Variants in SERPINB12 observed in about 807,000 individuals in gnomAD.
SERPINB12 encodes serpin family B member 12.
Under a neutral mutation model 41.1 loss-of-function variants are expected in SERPINB12, and 57 were observed. The observed-to-expected ratio is 1.39, with a 90% confidence interval of 1.12 to 1.73. SERPINB12 has a LOEUF of 1.73. Ranked by LOEUF, SERPINB12 falls within the 40% of genes most tolerant of loss-of-function variation. The pLI is 0.00. For missense variants in SERPINB12, 536 were observed against 501.9 expected (o/e 1.07, Z -0.65); for synonymous variants, 180 against 181.3 (o/e 0.99, Z 0.06).
At chr18:63,557,227 T>C (rs1053133591) in intron 2 of SERPINB12, among the ~76,000 whole-genome samples, 4 of 152,150 alleles carry the variant, frequency 2.6e-5, no homozygotes, top group African/African-American at 9.7e-5. Flanking sequence ...GCCTGATGGC[T>C]CTTTCCCCTG....
At chr18:63,537,717 T>C (rs1455564), upstream of SERPINB12, among the ~76,000 whole-genome samples, 87,934 of 152,038 alleles carry the variant, frequency 0.58, 27,637 homozygotes, top group Middle Eastern at 0.72. Context: ...TCTTACCATA[T>C]GGAATCCCTC....
chr18:63,565,708 C>A (rs903516684), intron 7 of SERPINB12, 96 bp downstream of exon 7: 1 of 981,968 alleles, frequency 1.0e-6, no homozygotes, highest in Non-Finnish European at 1.5e-6. Context: ...AAATTCAGTA[C>A]CTCAGCTGTC....
chr18:63,534,403 CTTA>C, the SERPINB12 span, among the ~76,000 whole-genome samples: 46 of 152,206 alleles, frequency 3.0e-4, 2 homozygotes, highest in South Asian at 9.3e-3. Context: ...TCCTTGCTGC[CTTA>C]TTGTATTATT....
chr18:63,561,968 G>C (rs1910924669), intron 5 of SERPINB12, among the ~76,000 whole-genome samples: 1 of 152,100 alleles, frequency 6.6e-6, no homozygotes, highest in African/African-American at 2.4e-5. Context: ...AACATGCCAT[G>C]TAACAAACCT....
upstream of SERPINB12, among the ~76,000 whole-genome samples, chr18:63,537,893 G>A (rs1910205067): frequency 6.6e-6 from 1 of 152,146 alleles, no homozygotes; most frequent in African/African-American, 2.4e-5. Context: ...GATCAGTTGA[G>A]AGTAGGTGGA....
At chr18:63,559,066 C>CTTTCTTTCTTTCT (rs1425823173) in intron 3 of SERPINB12, among the ~76,000 whole-genome samples, 4 of 99,608 alleles carry the variant, frequency 4.0e-5, no homozygotes, top group Admixed American at 1.1e-4. Flanking sequence ...TTCTCTCCTT[C>CTTTCTTTCTTTCT]TTCTCTCCTT....
chr18:63,550,973 A>G (rs1224319285), intron 1 of SERPINB12, among the ~76,000 whole-genome samples: 2 of 152,196 alleles, frequency 1.3e-5, no homozygotes, highest in Non-Finnish European at 2.9e-5. Flanking sequence ...GGAATCATAC[A>G]GTATGAAAGT....
intron 1 of SERPINB12, among the ~76,000 whole-genome samples, chr18:63,543,063 T>C (rs1910307445): frequency 6.6e-6 from 1 of 152,210 alleles, no homozygotes; most frequent in Non-Finnish European, 1.5e-5. Context: ...AGCATTATGA[T>C]TATGAGCAAC....
chr18:63,563,884 G>GAGTT, intron 5 of SERPINB12, 94 bp from the exon 6 acceptor site: 1 of 1,224,232 alleles, frequency 8.2e-7, no homozygotes. Flanking sequence ...AGACAAGAGC[G>GAGTT]AAACTCTGTC....
chr18:63,552,937 C>A (rs778349572), intron 1 of SERPINB12, among the ~76,000 whole-genome samples: 2 of 152,070 alleles, frequency 1.3e-5, no homozygotes, highest in Admixed American at 6.6e-5. Flanking sequence ...ATTGTAAGGG[C>A]TTACATATAG....
At chr18:63,562,431 G>A (rs1483079797) in intron 5 of SERPINB12, among the ~76,000 whole-genome samples, 1 of 152,186 alleles carries the variant, frequency 6.6e-6, no homozygotes, top group Non-Finnish European at 1.5e-5. Flanking sequence ...CCAGGCATTT[G>A]CATACATTTT....
At chr18:63,540,181 A>G (rs1207459585), upstream of SERPINB12, among the ~76,000 whole-genome samples, 1 of 152,208 alleles carries the variant, frequency 6.6e-6, no homozygotes, top group Non-Finnish European at 1.5e-5. Flanking sequence ...ATGTTAGAGG[A>G]GTTGTACAAA....
At chr18:63,559,974 G>A (rs1441944751) in intron 4 of SERPINB12, among the ~76,000 whole-genome samples, 1 of 152,116 alleles carries the variant, frequency 6.6e-6, no homozygotes, top group Admixed American at 6.5e-5. Context: ...TGTGAGTAAT[G>A]GAGGCTTTGG....
intron 4 of SERPINB12, among the ~76,000 whole-genome samples, chr18:63,560,469 C>G (rs778079952): frequency 6.6e-6 from 1 of 152,208 alleles, no homozygotes; most frequent in Non-Finnish European, 1.5e-5. Flanking sequence ...TTTTTAAAAA[C>G]TAGCCTTTTG....
At position 63,566,761 on chromosome 18, in the gene SERPINB12, T is replaced by C. The variant is rs753933782; in HGVS notation, c.1028T>C (p.Phe343Ser). 3 of 1,614,158 alleles carry C rather than the reference T, an allele frequency of 1.9e-6. No homozygotes were observed. Among genetic ancestry groups the C allele is most frequent in the Non-Finnish European group, 2.5e-6 (3 of 1,180,014 alleles). Residue 343 changes from phenylalanine to serine, a missense_variant, in exon 8 of 8, where the codon TTT (phenylalanine) becomes TCT (serine). Physicochemically the swap from Phe to Ser is radical, Grantham distance 155 (BLOSUM62 -2). Coordinates refer to ENST00000382768, the MANE Select transcript of SERPINB12 (RefSeq NM_001307928.2). Reference protein sequence around the residue: ...ILQDMGITDIFDETRADLTGI... With the variant: ...ILQDMGITDISDETRADLTGI... ...CAAGACATGGGCATTACGGATATCT[T>C]TGATGAAACGAGGGCTGATCTTACT...
rs1911177357 is a variant in SERPINB12 at position 63,568,159 on chromosome 18, T to G, written c.*1148T>G. ...TTCTTGGGAGGCCGAGTCAGGTGGA[T>G]CACTTGAGTCCAGGAGTTCGAGACC... On this transcript the variant is annotated 3_prime_UTR_variant, in exon 8 of 8. Transcript: ENST00000382768. 6.6e-6 allele frequency among the ~76,000 whole-genome samples: 1 copy of G among 152,144 alleles called. No homozygotes were observed. Among genetic ancestry groups the G allele is most frequent in the Admixed American group, 6.5e-5 (1 of 15,276 alleles).
chr18:63,538,498 G>A (rs1187420596), upstream of SERPINB12, among the ~76,000 whole-genome samples: 1 of 152,106 alleles, frequency 6.6e-6, no homozygotes, highest in Admixed American at 6.6e-5. Context: ...CAAGGTTCAT[G>A]TATGTTGTAG....
intron 1 of SERPINB12, among the ~76,000 whole-genome samples, chr18:63,546,442 AAAT>A (rs1293513681): frequency 6.6e-6 from 1 of 152,218 alleles, no homozygotes; most frequent in Non-Finnish European, 1.5e-5. Flanking sequence ...GTCAATAATC[AAAT>A]AATAATTCTC....
chr18:63,548,848 C>A (rs965747113), intron 1 of SERPINB12, among the ~76,000 whole-genome samples: 1 of 151,936 alleles, frequency 6.6e-6, no homozygotes, highest in Non-Finnish European at 1.5e-5. Flanking sequence ...TCATCTGTAA[C>A]TTTTGGCTGA....
Sources: allele counts gnomAD v4.1 joint callset (sites outside exome capture counted in the v4.1 genomes callset), GRCh38; gene constraint gnomAD v4.1.1; transcripts MANE v1.5; gene names NCBI Gene and HGNC (gene_info 2026-07-23, HGNC 2026-07-21).